GSAP: variants seen among roughly 807,000 people sequenced by gnomAD.
GSAP encodes gamma-secretase-activating protein.
In GSAP, 118 loss-of-function variants were observed where a neutral mutation model predicts 131.7. The observed-to-expected ratio is 0.90, with a 90% CI of 0.77 to 1.04. GSAP has a LOEUF of 1.04. Ranked by LOEUF, GSAP falls within the 50% of genes least tolerant of loss-of-function variation. The pLI is 0.00. For synonymous variants in GSAP, 381 were observed against 363.4 expected, an observed-to-expected ratio of 1.05 and a Z score of -0.55; for missense variants, 1,019 against 1,013.2, an observed-to-expected ratio of 1.01 and a Z score of -0.08.
intron 1 of GSAP, 58 bp downstream of exon 1, chr7:77,416,155 G>T: frequency 2.9e-6 from 3 of 1,017,370 alleles, no homozygotes; most frequent in Non-Finnish European, 4.0e-6. Flanking sequence ...GGAGTCCGGG[G>T]GGTATGAGGG....
rs80110953 is a variant in GSAP at position 77,321,560 on chromosome 7, C to T, written c.1924-157G>A. 9.7e-3 allele frequency among the ~76,000 whole-genome samples: 1,473 copies of T among 152,300 alleles called. 30 individuals carry two copies. Among genetic ancestry groups the T allele is most frequent in the African/African-American group, 0.034 (1,420 of 41,538 alleles). ...CCTTTCTGAGGTCAATTCTGAAGCA[C>T]TGAACCCAAAATAGAAAGACTGAAA... is the stretch of plus-strand genomic sequence containing the variant. On this transcript the variant is annotated intron_variant, in intron 24 of 30. Transcript: ENST00000257626.
At position 77,374,082 on chromosome 7, in the gene GSAP, TA is replaced by T; in HGVS notation, c.858del (p.Phe286LeufsTer48). On this transcript the variant is annotated frameshift_variant, in exon 12 of 31. Transcript: ENST00000257626. LOFTEE classifies it high-confidence loss of function. The part of the protein sequence containing the change: ...KFSKHLTLCV[F>X]TNHTGSLCVC... ...AACCCTAGTTTACCTGTATGGTTGG[TA>T]AAAACACACAGAGTCAGGTGTTTGG... The T allele has an allele frequency of 6.4e-7, 1 of 1,562,486 alleles. No homozygotes were observed. The highest frequency in any genetic ancestry group is 8.8e-7 in the Non-Finnish European group (1 of 1,137,502).
intron 1 of GSAP, among the ~76,000 whole-genome samples, chr7:77,407,502 G>A (rs964416869): frequency 2.6e-5 from 4 of 151,870 alleles, no homozygotes; most frequent in African/African-American, 4.8e-5. Context: ...TGTTTTCTAC[G>A]TGTCTCACCT....
upstream of GSAP, chr7:77,416,407 C>G: frequency 1.6e-6 from 1 of 620,460 alleles, no homozygotes. Flanking sequence ...CTCGCGTCCC[C>G]GCTCCCGCCC....
At chr7:77,388,764 G>GA (rs1223793097) in intron 5 of GSAP, among the ~76,000 whole-genome samples, 4 of 152,030 alleles carry the variant, frequency 2.6e-5, no homozygotes, top group Non-Finnish European at 2.9e-5. Context: ...TTTATTTTTT[G>GA]AAAAAAGCAA....
At chr7:77,351,056 T>C (rs1419107357) in intron 18 of GSAP, 1 of 864,352 alleles carries the variant, frequency 1.2e-6, no homozygotes, top group Non-Finnish European at 1.4e-6. Context: ...TTGTCTATAA[T>C]TTAAATGACC....
chr7:77,319,846 A>G (rs113562308), intron 26 of GSAP, among the ~76,000 whole-genome samples: 1,865 of 152,348 alleles, frequency 0.012, 36 homozygotes, highest in African/African-American at 0.043. Context: ...TCATAGACAC[A>G]GAAGGTAGAA....
chr7:77,413,963 T>C (rs1034103001), intron 1 of GSAP, among the ~76,000 whole-genome samples: 1 of 152,200 alleles, frequency 6.6e-6, no homozygotes. Context: ...GAAACTGTTT[T>C]CTCAAAAGTT....
At chr7:77,387,246 A>T (rs1331797113) in intron 6 of GSAP, 114 bp downstream of exon 6, 1 of 624,860 alleles carries the variant, frequency 1.6e-6, no homozygotes, top group African/African-American at 1.8e-5. Flanking sequence ...GTAGTCTACA[A>T]GACTGTTCTG....
At chr7:77,402,683 G>T (rs1479212499) in intron 3 of GSAP, among the ~76,000 whole-genome samples, 3 of 124,788 alleles carry the variant, frequency 2.4e-5, no homozygotes, top group Non-Finnish European at 4.9e-5. Context: ...CAAAAGGTCC[G>T]TAAAAAAAAA....
intron 19 of GSAP, among the ~76,000 whole-genome samples, chr7:77,344,706 G>T (rs1310948828): frequency 1.3e-5 from 2 of 152,028 alleles, no homozygotes; most frequent in East Asian, 3.9e-4. Flanking sequence ...TTGCTGACGG[G>T]GTACACTCCA....
At chr7:77,347,298 G>A (rs1169079975) in intron 19 of GSAP, among the ~76,000 whole-genome samples, 2 of 152,084 alleles carry the variant, frequency 1.3e-5, no homozygotes, top group Admixed American at 1.3e-4. Flanking sequence ...AAAGACAGTT[G>A]GTCAGAAGTT....
intron 2 of GSAP, 107 bp from the exon 3 acceptor site, chr7:77,404,722 C>T (rs1801947543): frequency 4.4e-6 from 3 of 676,938 alleles, no homozygotes; most frequent in Admixed American, 5.2e-5. Context: ...AGTAAGCACT[C>T]TAAAAGAAGC....
At chr7:77,360,958 C>A (rs1794448141) in intron 13 of GSAP, 57 bp from the exon 14 acceptor site, 1 of 958,984 alleles carries the variant, frequency 1.0e-6, no homozygotes, top group Non-Finnish European at 1.7e-6. Flanking sequence ...GAACTCCACC[C>A]AAGGCAGTGA....
intron 19 of GSAP, among the ~76,000 whole-genome samples, chr7:77,335,187 C>T (rs1056508669): frequency 6.6e-6 from 1 of 152,106 alleles, no homozygotes; most frequent in African/African-American, 2.4e-5. Context: ...ATCACTTGAG[C>T]TCAGAAGTTC....
intron 19 of GSAP, among the ~76,000 whole-genome samples, chr7:77,335,182 T>C (rs140337116): frequency 0.013 from 1,913 of 152,096 alleles, 37 homozygotes; most frequent in African/African-American, 0.044. Context: ...CGTGGATCAC[T>C]TGAGCTCAGA....
chr7:77,312,007 A>G, intron 29 of GSAP, 67 bp from the exon 30 acceptor site: 2 of 1,217,672 alleles, frequency 1.6e-6, no homozygotes, highest in East Asian at 2.4e-5. Flanking sequence ...AAATAAAGTG[A>G]TAAGAACTGT....
At chr7:77,319,719 C>G (rs752159969) in intron 26 of GSAP, among the ~76,000 whole-genome samples, 2 of 151,440 alleles carry the variant, frequency 1.3e-5, no homozygotes, top group Non-Finnish European at 2.9e-5. Context: ...AAAATGAAAT[C>G]CTGCTCCATG....
intron 3 of GSAP, among the ~76,000 whole-genome samples, chr7:77,402,616 A>AAAAAAAAAAAAAAAAAAAAAT (rs375595494): frequency 0.018 from 1,422 of 80,306 alleles, 282 homozygotes; most frequent in Non-Finnish European, 0.029. Context: ...AAAAAAAAAA[A>AAAAAAAAAAAAAAAAAAAAAT]GAATTTTAAA....
Sources: allele counts gnomAD v4.1 joint callset (sites outside exome capture counted in the v4.1 genomes callset), GRCh38; gene constraint gnomAD v4.1.1; transcripts MANE v1.5; gene names NCBI Gene and HGNC (gene_info 2026-07-23, HGNC 2026-07-21).